Variants in TMTC2 observed in about 807,000 individuals in gnomAD.
The protein encoded by TMTC2 is protein O-mannosyl-transferase TMTC2.
In TMTC2, 43 loss-of-function variants were observed where a neutral mutation model predicts 82.4. The observed-to-expected ratio is 0.52, with a 90% CI of 0.41 to 0.67. TMTC2 has a LOEUF of 0.67. TMTC2 is among the 30% of genes least tolerant of loss of function. The pLI, the probability that TMTC2 is intolerant of heterozygous loss-of-function variation, is 0.00. For synonymous variants in TMTC2, 408 were observed against 381.9 expected (o/e 1.07, Z -0.80); for missense variants, 919 against 1,012.4 (o/e 0.91, Z 1.25).
chr12:82,831,829 A>G (rs1444299555), intron 1 of TMTC2, among the ~76,000 whole-genome samples: 1 of 152,184 alleles, frequency 6.6e-6, no homozygotes, highest in Non-Finnish European at 1.5e-5. Context: ...GGCTCTGTGT[A>G]TGTACATTCC....
intron 8 of TMTC2, among the ~76,000 whole-genome samples, chr12:83,016,304 G>A (rs1454999298): frequency 6.6e-6 from 1 of 152,082 alleles, no homozygotes; most frequent in South Asian, 2.1e-4. Context: ...CCAGCACTTG[G>A]ACTGACTAGA....
intron 1 of TMTC2, among the ~76,000 whole-genome samples, chr12:82,787,244 C>T (rs1424033061): frequency 6.6e-6 from 1 of 151,834 alleles, no homozygotes; most frequent in Non-Finnish European, 1.5e-5. Context: ...AATGAGGTGG[C>T]TAAGGGACAT....
chr12:82,732,584 C>A (rs1363248013), intron 1 of TMTC2, among the ~76,000 whole-genome samples: 1 of 152,114 alleles, frequency 6.6e-6, no homozygotes, highest in East Asian at 1.9e-4. Flanking sequence ...ACCTTGTGAT[C>A]CGTCTGCCTC....
At chr12:82,688,285 A>G (rs1872426660) in intron 1 of TMTC2, among the ~76,000 whole-genome samples, 1 of 152,190 alleles carries the variant, frequency 6.6e-6, no homozygotes, top group South Asian at 2.1e-4. Context: ...GCAGCACTTT[A>G]TAAAAGCCTC....
chr12:82,849,870 C>T (rs1193077445), intron 1 of TMTC2, among the ~76,000 whole-genome samples: 1 of 152,122 alleles, frequency 6.6e-6, no homozygotes, highest in African/African-American at 2.4e-5. Flanking sequence ...TGGTTTCACC[C>T]TCAGGCTGAC....
At chr12:82,819,895 G>T (rs1868988027) in intron 1 of TMTC2, among the ~76,000 whole-genome samples, 2 of 152,124 alleles carry the variant, frequency 1.3e-5, no homozygotes, top group South Asian at 4.1e-4. Context: ...TTATTAAGGA[G>T]TTTGACTCAC....
chr12:83,104,350 G>A (rs751690478), intron 11 of TMTC2, among the ~76,000 whole-genome samples: 37 of 152,210 alleles, frequency 2.4e-4, no homozygotes, highest in Non-Finnish European at 4.4e-4. Flanking sequence ...CACGTCTCTA[G>A]TAGAGGTTCT....
intron 1 of TMTC2, among the ~76,000 whole-genome samples, chr12:82,769,487 G>T (rs999264282): frequency 2.8e-5 from 1 of 35,634 alleles, no homozygotes; most frequent in Non-Finnish European, 5.0e-5. Flanking sequence ...CCAAAAAAAA[G>T]AAAAAGAAAA....
chr12:82,796,601 A>T (rs1166872075), intron 1 of TMTC2, among the ~76,000 whole-genome samples: 2 of 152,156 alleles, frequency 1.3e-5, no homozygotes, highest in African/African-American at 4.8e-5. Flanking sequence ...TGGTAAGCTT[A>T]GGGGAAAAGT....
intron 8 of TMTC2, among the ~76,000 whole-genome samples, chr12:83,014,787 T>C (rs1164616850): frequency 6.6e-6 from 1 of 152,212 alleles, no homozygotes; most frequent in African/African-American, 2.4e-5. Context: ...AAATATATGT[T>C]ACCTTATTTA....
At chr12:82,740,865 C>T (rs1875367005) in intron 1 of TMTC2, among the ~76,000 whole-genome samples, 1 of 152,208 alleles carries the variant, frequency 6.6e-6, no homozygotes, top group Admixed American at 6.5e-5. Flanking sequence ...TTCATGCTGC[C>T]CGAGCAATCT....
intron 8 of TMTC2, among the ~76,000 whole-genome samples, chr12:83,017,056 G>A (rs1443524253): frequency 1.3e-5 from 2 of 152,208 alleles, no homozygotes; most frequent in East Asian, 3.8e-4. Flanking sequence ...AAGTGGAGAA[G>A]ATGAATGGAA....
At chr12:83,105,129 A>G (rs1884351272) in intron 11 of TMTC2, among the ~76,000 whole-genome samples, 1 of 152,166 alleles carries the variant, frequency 6.6e-6, no homozygotes, top group Non-Finnish European at 1.5e-5. Context: ...CTGAGACCTC[A>G]GCAGCCTGGA....
chr12:83,030,979 G>A (rs1486412598), intron 9 of TMTC2, 100 bp downstream of exon 9: 1 of 862,726 alleles, frequency 1.2e-6, no homozygotes, highest in African/African-American at 1.7e-5. Context: ...AAGAGGAGAT[G>A]GACTTTGTTA....
chr12:82,971,226 C>A (rs2137313242), intron 7 of TMTC2, among the ~76,000 whole-genome samples: 1 of 151,754 alleles, frequency 6.6e-6, no homozygotes, highest in East Asian at 1.9e-4. Context: ...TGACTTGAAT[C>A]CAAATGCTTT....
At chr12:82,968,310 A>C (rs1050951936) in intron 7 of TMTC2, among the ~76,000 whole-genome samples, 1 of 152,180 alleles carries the variant, frequency 6.6e-6, no homozygotes, top group Non-Finnish European at 1.5e-5. Context: ...ATAAATTAAA[A>C]CAATGCCTTT....
At chr12:82,894,569 T>G (rs1873562062) in intron 2 of TMTC2, among the ~76,000 whole-genome samples, 1 of 152,206 alleles carries the variant, frequency 6.6e-6, no homozygotes. Context: ...CCAGGATGTT[T>G]GCTGTAAAGA....
intron 4 of TMTC2, among the ~76,000 whole-genome samples, chr12:82,959,955 G>A (rs931224531): frequency 1.3e-5 from 2 of 151,720 alleles, no homozygotes; most frequent in African/African-American, 4.8e-5. Context: ...GAATCTATGA[G>A]GAATGTCAAT....
At chr12:82,849,436 A>G (rs897602010) in intron 1 of TMTC2, among the ~76,000 whole-genome samples, 1 of 152,128 alleles carries the variant, frequency 6.6e-6, no homozygotes, top group African/African-American at 2.4e-5. Flanking sequence ...ATTCAAGGGA[A>G]ACTTCTGAAT....
Sources: gnomAD v4.1 joint callset for allele counts (sites outside exome capture counted in the v4.1 genomes callset) on GRCh38, gnomAD v4.1.1 for gene constraint, MANE v1.5 for transcripts, NCBI Gene and HGNC (gene_info 2026-07-23, HGNC 2026-07-21) for gene names.